Variants in NOL11 observed in about 807,000 individuals in gnomAD.
The protein encoded by NOL11 is nucleolar protein 11.
Under a neutral mutation model 93.0 loss-of-function variants are expected in NOL11, and 42 were observed. The ratio of observed to expected loss-of-function variants is 0.45; its 90% CI spans 0.35 to 0.58. NOL11 has a LOEUF of 0.58. Among genes scored for constraint, NOL11 ranks in the 20% least tolerant of loss-of-function variants. The pLI, the probability that NOL11 is intolerant of heterozygous loss-of-function variation, is 0.00. For missense variants in NOL11, 775 were observed against 841.8 expected, an observed-to-expected ratio of 0.92 and a Z score of 0.98; for synonymous variants, 296 against 293.7, an observed-to-expected ratio of 1.01 and a Z score of -0.08.
chr17:67,742,324 A>G (rs2055264081), intron 16 of NOL11, among the ~76,000 whole-genome samples: 1 of 152,156 alleles, frequency 6.6e-6, no homozygotes, highest in African/African-American at 2.4e-5. Flanking sequence ...CTTCTTGTCC[A>G]TTTATATTTG....
chr17:67,730,301 CAG>C (rs2055141495), intron 7 of NOL11, among the ~76,000 whole-genome samples: 3 of 151,928 alleles, frequency 2.0e-5, no homozygotes, highest in Admixed American at 1.3e-4. Context: ...CTCTGTCGCC[CAG>C]AGGCTAGAGT....
intron 14 of NOL11, 74 bp from the exon 15 acceptor site, chr17:67,738,858 G>T: frequency 1.1e-6 from 1 of 931,280 alleles, no homozygotes; most frequent in South Asian, 1.5e-5. Flanking sequence ...AACTAACATT[G>T]ACAAAGGAAG....
chr17:67,722,754 G>A, intron 5 of NOL11, 117 bp downstream of exon 5: 1 of 1,347,564 alleles, frequency 7.4e-7, no homozygotes, highest in Non-Finnish European at 9.7e-7. Context: ...GTGCCACGAT[G>A]GTTCACTGCA....
At position 67,739,011 on chromosome 17, in the gene NOL11, G is replaced by GT. The variant is rs766146084; in HGVS notation, c.1842+2dup. On this transcript the variant is annotated splice_donor_variant, in intron 15 of 17. Transcript: ENST00000253247. LOFTEE classifies it high-confidence loss of function. The stretch of plus-strand genomic sequence containing the variant: ...AGACATCCCAGCACAGCATATCACG[G>GT]TAAGTGTTCATACAAGTTGTATAGA... 6.2e-7 allele frequency: 1 copy of GT among 1,600,162 alleles called. No individual in the cohort carries two copies. The highest frequency in any genetic ancestry group is 8.6e-7 in the Non-Finnish European group (1 of 1,168,530).
intron 7 of NOL11, among the ~76,000 whole-genome samples, chr17:67,727,652 C>T (rs907332859): frequency 2.7e-5 from 4 of 148,826 alleles, no homozygotes; most frequent in Admixed American, 1.3e-4. Context: ...AGCGAAACTC[C>T]GTCTCAAAAA....
chr17:67,724,184 A>G lies in NOL11; in HGVS notation c.655A>G (p.Met219Val), dbSNP rs745860879. 6.4e-6 allele frequency: 10 copies of G among 1,559,496 alleles called. No individual in the cohort carries two copies. Among genetic ancestry groups the G allele is most frequent in the South Asian group, 1.2e-5 (1 of 86,068 alleles). Residue 219 changes from methionine to valine, a missense_variant, in exon 6 of 18, where the codon ATG becomes GTG. Coordinates refer to ENST00000253247, the MANE Select transcript of NOL11 (RefSeq NM_015462.5). ...ASVDRKFISL[M>V]SLSSDGCIYE... ...TGTAGATCGGAAATTCATCTCTTTG[A>G]TGTCATTAAGTAAGTTTTCTTTCTT...
chr17:67,729,745 A>AT (rs1176841895), intron 7 of NOL11, among the ~76,000 whole-genome samples: 2 of 141,988 alleles, frequency 1.4e-5, no homozygotes, highest in African/African-American at 2.6e-5. Flanking sequence ...CGCCTGGCTG[A>AT]TTTTTTTGTA....
chr17:67,719,874 G>A (rs1480972393), intron 2 of NOL11, 32 bp from the exon 3 acceptor site: 10 of 1,534,982 alleles, frequency 6.5e-6, no homozygotes, highest in Non-Finnish European at 8.9e-6. Flanking sequence ...TGGAGAATAG[G>A]ATAGTTTTTA....
rs78149522 is a variant in NOL11, at chr17:67,730,214, C to A, written c.853+3566C>A. Reference sequence around the variant, plus strand: ...TATTGTGAATATCACTATGAACATTCGTGTGCATGTATTTGTGTACCAGTT... The same window carrying A: ...TATTGTGAATATCACTATGAACATTAGTGTGCATGTATTTGTGTACCAGTT... On this transcript the variant is annotated intron_variant, in intron 7 of 17. Transcript: ENST00000253247. Among the ~76,000 whole-genome samples the A allele has an allele frequency of 0.017, 2,510 of 152,080 alleles. 197 individuals carry two copies. The East Asian group carries it at 0.26, about 16-fold the overall frequency.
intron 15 of NOL11, 147 bp from the exon 16 acceptor site, chr17:67,739,369 G>T (rs2055233420): frequency 7.0e-6 from 4 of 570,562 alleles, no homozygotes; most frequent in Non-Finnish European, 1.2e-5. Context: ...GGGAGGGACT[G>T]CATTTTATTC....
rs775903510 is a variant in NOL11 at position 67,726,531 on chromosome 17, G to A, written c.736G>A (p.Val246Ile). The change falls in exon 7 of 18, where the codon GTT becomes ATT. Residue 246 changes from valine (V) to isoleucine (I), a missense_variant. Transcript: ENST00000253247. ...TGACCCAGAAAAAAATCAGAGCTTAGTTAAATCACTGCTGCTCAAGGCTGT... is the reference window on the plus strand; with the variant it reads ...TGACCCAGAAAAAAATCAGAGCTTAATTAAATCACTGCTGCTCAAGGCTGT... ...PADPEKNQSL[V>I]KSLLLKAVVS... 6.2e-7 allele frequency: 1 copy of A among 1,614,192 alleles called. No individual in the cohort carries two copies. The highest frequency in any genetic ancestry group is 1.1e-5 in the South Asian group (1 of 91,082).
At chr17:67,728,193 G>C (rs1008140698) in intron 7 of NOL11, among the ~76,000 whole-genome samples, 1 of 152,176 alleles carries the variant, frequency 6.6e-6, no homozygotes, top group African/African-American at 2.4e-5. Context: ...CTGGGAGGCA[G>C]AGCTTGCAGT....
At chr17:67,726,364 A>C in intron 6 of NOL11, 96 bp from the exon 7 acceptor site, 1 of 1,014,050 alleles carries the variant, frequency 9.9e-7, no homozygotes, top group Non-Finnish European at 1.3e-6. Flanking sequence ...CTGTTTTATC[A>C]AATTGGTAAA....
At chr17:67,734,056 G>C (rs1178135876) in intron 7 of NOL11, among the ~76,000 whole-genome samples, 1 of 152,096 alleles carries the variant, frequency 6.6e-6, no homozygotes, top group Non-Finnish European at 1.5e-5. Flanking sequence ...AGTTTGGGAA[G>C]ATTTGTGTTA....
At chr17:67,737,047 C>T in intron 10 of NOL11, 24 bp from the exon 11 acceptor site, 2 of 1,451,922 alleles carry the variant, frequency 1.4e-6, no homozygotes, top group Non-Finnish European at 1.9e-6. Flanking sequence ...GTTTTGTGAT[C>T]CTAATCAATT....
chr17:67,735,191 T>C (rs1272546101), intron 8 of NOL11, among the ~76,000 whole-genome samples: 1 of 152,178 alleles, frequency 6.6e-6, no homozygotes, highest in East Asian at 1.9e-4. Context: ...TCCAGTGTAT[T>C]TTCAGTGCTT....
At chr17:67,742,675 G>A (rs2055267136) in intron 16 of NOL11, among the ~76,000 whole-genome samples, 1 of 152,104 alleles carries the variant, frequency 6.6e-6, no homozygotes, top group Non-Finnish European at 1.5e-5. Context: ...TCTGATATAA[G>A]GAGTTCCTTA....
intron 5 of NOL11, 133 bp from the exon 6 acceptor site, chr17:67,723,914 CAA>C (rs1198440336): frequency 5.0e-6 from 3 of 605,242 alleles, no homozygotes; most frequent in Non-Finnish European, 8.3e-6. Context: ...TCAAAACAAA[CAA>C]ATTTGATAGC....
Position 67,739,022 on chromosome 17 carries a change from T to C in NOL11, c.1842+12T>C. ...CACAGCATATCACGGTAAGTGTTCA[T>C]ACAAGTTGTATAGAATTTTACTTCT... On this transcript the variant is annotated intron_variant, in intron 15 of 17. Coordinates refer to ENST00000253247, the MANE Select transcript of NOL11 (RefSeq NM_015462.5). 6.3e-7 allele frequency: 1 copy of C among 1,577,368 alleles called. No individual in the cohort carries two copies. Among genetic ancestry groups the C allele is most frequent in the Non-Finnish European group, 8.7e-7 (1 of 1,151,378 alleles).
Sources: gnomAD v4.1 joint callset for allele counts (sites outside exome capture counted in the v4.1 genomes callset) on GRCh38, gnomAD v4.1.1 for gene constraint, MANE v1.5 for transcripts, NCBI Gene and HGNC (gene_info 2026-07-23, HGNC 2026-07-21) for gene names.